HERC6: variants seen among roughly 807,000 people sequenced by gnomAD.
HERC6 encodes the protein HECT and RLD domain containing E3 ubiquitin protein ligase family member 6, also known as probable E3 ubiquitin-protein ligase HERC6.
In HERC6, 101 loss-of-function variants were observed where a neutral mutation model predicts 114.5. The ratio of observed to expected loss-of-function variants is 0.88; its 90% CI spans 0.75 to 1.04. HERC6 has a LOEUF of 1.04. Among genes scored for constraint, HERC6 ranks in the 50% least tolerant of loss-of-function variants. The probability of loss-of-function intolerance (pLI) is 0.00; values close to 1 mark genes in which losing one functional copy is unlikely to be tolerated. For missense variants in HERC6, 1,133 were observed against 1,230.9 expected, an observed-to-expected ratio of 0.92 and a Z score of 1.19; for synonymous variants, 408 against 436.2, an observed-to-expected ratio of 0.94 and a Z score of 0.81.
chr4:88,406,492 A>G (rs191386415), intron 10 of HERC6, among the ~76,000 whole-genome samples: 2 of 152,350 alleles, frequency 1.3e-5, no homozygotes, highest in East Asian at 1.9e-4. Context: ...TTGGATGCCA[A>G]TAACTTCACC....
At chr4:88,428,221 T>G (rs926442660) in intron 15 of HERC6, among the ~76,000 whole-genome samples, 3 of 152,218 alleles carry the variant, frequency 2.0e-5, no homozygotes, top group Admixed American at 2.0e-4. Context: ...ATGCTCTGTG[T>G]CTTAAGACTG....
intron 8 of HERC6, 65 bp from the exon 9 acceptor site, chr4:88,404,811 A>C: frequency 6.3e-7 from 1 of 1,579,966 alleles, no homozygotes; most frequent in Admixed American, 1.8e-5. Context: ...CAGGTGATTT[A>C]CTGTATAATT....
intron 8 of HERC6, chr4:88,399,095 T>C (rs1482973613): frequency 6.6e-6 from 1 of 152,212 alleles, no homozygotes; most frequent in East Asian, 1.9e-4. Context: ...GCCTTCATAG[T>C]TATTTTTCTA....
chr4:88,439,906 T>C lies in HERC6; in HGVS notation c.2588T>C (p.Ile863Thr). The part of the protein sequence containing the change: ...RDYVSKYIDY[I>T]FNVSVKAVYE... ...TATGTTTCTAAGTATATTGATTACA[T>C]TTTCAACGTCTCTGTAAAAGCAGTT... Residue 863 changes from isoleucine to threonine, a missense_variant, in exon 21 of 23, where the codon ATT (isoleucine) becomes ACT (threonine). Transcript: ENST00000264346. 5.1e-6 allele frequency: 8 copies of C among 1,574,698 alleles called. No individual in the cohort carries two copies. The highest frequency in any genetic ancestry group is 6.9e-6 in the Non-Finnish European group (8 of 1,160,554).
chr4:88,435,880 T>C lies in HERC6; in HGVS notation c.2406T>C (p.Pro802=), dbSNP rs751160091. 3 of 1,603,420 alleles carry C rather than the reference T, an allele frequency of 1.9e-6. No homozygotes were observed. In the African/African-American group the frequency reaches 4.0e-5, roughly 22 times the overall value. The change falls in exon 18 of 23, where the codon CCT becomes CCC. Residue 802 remains proline, a synonymous_variant. Coordinates refer to ENST00000264346, the MANE Select transcript of HERC6 (RefSeq NM_017912.4). The part of the protein sequence containing the change: ...PSLEDLKELS[P]RLGKSLQEVL... The stretch of plus-strand genomic sequence containing the variant: ...TGGAAGATTTAAAAGAACTCAGTCC[T>C]CGGTTGGGGAAGTAAGTAAATATAA...
In HERC6 at chr4:88,383,268, G is replaced by A. The variant is rs376979630; in HGVS notation, c.247G>A (p.Gly83Arg). ...ETLIVDLVSC[G>R]KEHSLAVCHK... ...CCTAATTGTTGATCTCGTGAGCTGC[G>A]GGAAGGAGCACTCCCTGGCTGTGTG... The change falls in exon 2 of 23, where the codon GGG becomes AGG. Residue 83 changes from glycine to arginine, a missense_variant. Gly to Arg is a moderately radical substitution (Grantham distance 125). Around this residue, in one of 3 missense-constraint regions of HERC6, gnomAD observed 735 missense variants for 754.0 expected, o/e 0.97. Coordinates refer to ENST00000264346, the MANE Select transcript of HERC6 (RefSeq NM_017912.4). The A allele has an allele frequency of 4.6e-5, 74 of 1,606,558 alleles. No homozygotes were observed. In the African/African-American group the frequency reaches 8.8e-4, roughly 19 times the overall value.
chr4:88,397,356 C>G (rs1284478169), intron 7 of HERC6, among the ~76,000 whole-genome samples: 1 of 151,936 alleles, frequency 6.6e-6, no homozygotes, highest in Non-Finnish European at 1.5e-5. Flanking sequence ...AGGGGATCCA[C>G]CAGCCTCGGC....
At position 88,435,803 on chromosome 4, in the gene HERC6, C is replaced by T; in HGVS notation, c.2329C>T (p.Leu777Phe). The T allele has an allele frequency of 6.2e-7, 1 of 1,611,418 alleles. No homozygotes were observed. ...CTTATTCAATTTAAATGTTGCTAAC[C>T]TTCCTTTCCCACTGGCTCTGTATAA... ...LSLFNLNVAN[L>F]PFPLALYKKL... is the part of the protein sequence containing the mutation. The change falls in exon 18 of 23, where the codon CTT becomes TTT. Residue 777 changes from leucine (L) to phenylalanine (F), a missense_variant. By Grantham distance (22) the Leu-to-Phe change is conservative. Around this residue, in one of 3 missense-constraint regions of HERC6, gnomAD observed 388 missense variants for 445.9 expected, o/e 0.87. Coordinates refer to ENST00000264346, the MANE Select transcript of HERC6 (RefSeq NM_017912.4).
chr4:88,386,608 A>C (rs1359738542), intron 3 of HERC6, among the ~76,000 whole-genome samples: 1 of 152,228 alleles, frequency 6.6e-6, no homozygotes, highest in Non-Finnish European at 1.5e-5. Flanking sequence ...TTAACAAAAA[A>C]AGGGAGTTTG....
chr4:88,428,659 T>G lies in HERC6; in HGVS notation c.2015T>G (p.Phe672Cys). The change falls in exon 16 of 23, where the codon TTT (phenylalanine) becomes TGT (cysteine). Residue 672 changes from phenylalanine (F) to cysteine (C), a missense_variant. By Grantham distance (205) the Phe-to-Cys change is radical (BLOSUM62 -2). Transcript: ENST00000264346. ...GATGAATTTCCTCCATCACCCAGAT[T>G]TATACTTAGAGTCAGACGAAGTCGC... ...KKDEFPPSPR[F>C]ILRVRRSRLV... 1 of 1,607,912 alleles carries G rather than the reference T, an allele frequency of 6.2e-7. No homozygotes were observed. Among genetic ancestry groups the G allele is most frequent in the Non-Finnish European group, 8.5e-7 (1 of 1,177,178 alleles).
intron 6 of HERC6, 73 bp from the exon 7 acceptor site, chr4:88,396,778 C>G (rs1369888197): frequency 1.5e-6 from 2 of 1,359,422 alleles, no homozygotes; most frequent in Non-Finnish European, 1.9e-6. Context: ...GTTATTTTGT[C>G]TTAAGGGACA....
At chr4:88,427,065 A>G (rs1737714586) in intron 15 of HERC6, among the ~76,000 whole-genome samples, 2 of 152,182 alleles carry the variant, frequency 1.3e-5, no homozygotes, top group Non-Finnish European at 2.9e-5. Context: ...CAGATTGCAC[A>G]TTATGAAAGA....
chr4:88,440,324 C>G, intron 22 of HERC6, 74 bp downstream of exon 22: 1 of 880,874 alleles, frequency 1.1e-6, no homozygotes. Flanking sequence ...TAGAATGAAG[C>G]CATTGAAGTG....
intron 20 of HERC6, among the ~76,000 whole-genome samples, chr4:88,438,773 A>G (rs568720909): frequency 1.9e-4 from 29 of 152,292 alleles, no homozygotes; most frequent in Middle Eastern, 3.4e-3. Flanking sequence ...AAATTCGCCA[A>G]TGCTGCAAAT....
chr4:88,440,572 C>T (rs751006653), intron 22 of HERC6: 1 of 215,408 alleles, frequency 4.6e-6, no homozygotes, highest in Non-Finnish European at 9.1e-6. Flanking sequence ...GCATGAAAAA[C>T]GAGTTAGGAC....
chr4:88,435,480 G>A (rs1400185732), intron 17 of HERC6, among the ~76,000 whole-genome samples: 15 of 151,874 alleles, frequency 9.9e-5, no homozygotes, highest in South Asian at 2.1e-4. Context: ...ATTTTTTAAC[G>A]TTCCAGATAA....
chr4:88,378,942 C>G lies in HERC6; in HGVS notation c.21C>G (p.Ala7=), dbSNP rs766382580. The change falls in exon 1 of 23, where the codon GCC becomes GCG. Residue 7 remains alanine, a synonymous_variant. Coordinates refer to ENST00000264346, the MANE Select transcript of HERC6 (RefSeq NM_017912.4). ...GCGGGATGTACTTCTGTTGGGGCGC[C>G]GACTCCAGGGAGCTGCAGCGCCGGA... MYFCWG[A]DSRELQRRRT... 5.6e-6 allele frequency: 9 copies of G among 1,593,864 alleles called. No homozygotes were observed. Among genetic ancestry groups the G allele is most frequent in the Non-Finnish European group, 7.7e-6 (9 of 1,171,204 alleles).
intron 15 of HERC6, among the ~76,000 whole-genome samples, chr4:88,427,053 G>T (rs1317940586): frequency 1.3e-5 from 2 of 152,052 alleles, no homozygotes; most frequent in African/African-American, 4.8e-5. Flanking sequence ...AATGGACTCG[G>T]GCAGATTGCA....
At chr4:88,409,036 T>C (rs572300289) in intron 11 of HERC6, among the ~76,000 whole-genome samples, 4 of 152,248 alleles carry the variant, frequency 2.6e-5, no homozygotes, top group African/African-American at 9.6e-5. Flanking sequence ...GGTGGGACCA[T>C]CCAGTTGTCA....
Sources: allele counts gnomAD v4.1 joint callset (sites outside exome capture counted in the v4.1 genomes callset), GRCh38; gene constraint gnomAD v4.1.1; regional missense constraint gnomAD v4.1.1; transcripts MANE v1.5; gene names NCBI Gene and HGNC (gene_info 2026-07-23, HGNC 2026-07-21).